Variants in GRM8 observed in about 807,000 individuals in gnomAD.
GRM8 encodes glutamate metabotropic receptor 8, also known as metabotropic glutamate receptor 8.
A neutral mutation model predicts 87.2 loss-of-function variants in GRM8; 47 were observed. That is an observed-to-expected ratio of 0.54 (90% confidence interval 0.43 to 0.69). The LOEUF is 0.69. GRM8 is among the 30% of genes least tolerant of loss of function. GRM8 has a pLI of 0.00. For missense variants in GRM8, 1,019 were observed against 1,139.2 expected, an observed-to-expected ratio of 0.89 and a Z score of 1.52; for synonymous variants, 396 against 404.5, an observed-to-expected ratio of 0.98 and a Z score of 0.25.
At chr7:126,823,216 T>A (rs1794463394) in intron 6 of GRM8, among the ~76,000 whole-genome samples, 2 of 152,240 alleles carry the variant, frequency 1.3e-5, no homozygotes, top group Admixed American at 1.3e-4. Flanking sequence ...AAAGAAAAGC[T>A]TCTATTTTAA....
At chr7:126,680,875 C>T (rs1038008783) in intron 7 of GRM8, among the ~76,000 whole-genome samples, 5 of 152,182 alleles carry the variant, frequency 3.3e-5, no homozygotes, top group Non-Finnish European at 7.3e-5. Context: ...TGTTTGGTTA[C>T]TCTTTACGTG....
intron 9 of GRM8, among the ~76,000 whole-genome samples, chr7:126,518,115 T>C (rs891625157): frequency 6.6e-6 from 1 of 152,034 alleles, no homozygotes; most frequent in Non-Finnish European, 1.5e-5. Flanking sequence ...TTTTTAGCCA[T>C]TGAGGCAGAG....
chr7:127,237,573 C>T (rs1330639327), intron 2 of GRM8, among the ~76,000 whole-genome samples: 1 of 152,190 alleles, frequency 6.6e-6, no homozygotes, highest in South Asian at 2.1e-4. Context: ...TCATTGACTT[C>T]ACATGAAGAT....
At chr7:127,122,680 G>A (rs888502011) in intron 2 of GRM8, among the ~76,000 whole-genome samples, 2 of 151,944 alleles carry the variant, frequency 1.3e-5, no homozygotes. Flanking sequence ...TAGGATTGAG[G>A]TACTGCAAAT....
At chr7:126,613,010 C>T (rs1427182564) in intron 7 of GRM8, among the ~76,000 whole-genome samples, 1 of 152,166 alleles carries the variant, frequency 6.6e-6, no homozygotes, top group Non-Finnish European at 1.5e-5. Flanking sequence ...ACTGATGACC[C>T]TTGCATCTTG....
chr7:126,903,881 G>A, intron 5 of GRM8, 91 bp downstream of exon 5: 1 of 700,382 alleles, frequency 1.4e-6, no homozygotes. Context: ...CATCAGTAAT[G>A]AGTGCATTTC....
intron 3 of GRM8, among the ~76,000 whole-genome samples, chr7:127,101,668 C>T (rs1210347190): frequency 2.0e-5 from 3 of 152,210 alleles, no homozygotes; most frequent in Non-Finnish European, 2.9e-5. Context: ...GCCTGCAGAA[C>T]CATAAGCCAA....
intron 6 of GRM8, among the ~76,000 whole-genome samples, chr7:126,773,249 A>G (rs933290701): frequency 5.3e-5 from 8 of 152,064 alleles, no homozygotes; most frequent in Admixed American, 3.9e-4. Flanking sequence ...TTTTAATCTA[A>G]TTATTTTTTA....
At position 126,976,287 on chromosome 7, in the gene GRM8, A is replaced by G. The variant is rs114163872; in HGVS notation, c.728-71604T>C. 8.0e-3 allele frequency among the ~76,000 whole-genome samples: 1,221 copies of G among 152,272 alleles called. 15 individuals are homozygous for G. Among genetic ancestry groups the G allele is most frequent in the African/African-American group, 0.028 (1,145 of 41,564 alleles). ...ATGTTCTTAAATTTTTATGCTTCCA[A>G]TTGGAGAATGGAACATACAAAGTAT... is the stretch of plus-strand genomic sequence containing the variant. On this transcript the variant is annotated intron_variant, in intron 3 of 10. Coordinates refer to ENST00000339582, the MANE Select transcript of GRM8 (RefSeq NM_000845.3).
chr7:127,235,309 T>C (rs924366043), intron 2 of GRM8, among the ~76,000 whole-genome samples: 2 of 152,238 alleles, frequency 1.3e-5, no homozygotes, highest in Admixed American at 1.3e-4. Flanking sequence ...TGGTGCTCCC[T>C]GAACTGTCTG....
chr7:127,029,472 C>T (rs1022477755), intron 3 of GRM8, among the ~76,000 whole-genome samples: 6 of 152,112 alleles, frequency 3.9e-5, no homozygotes, highest in African/African-American at 1.4e-4. Flanking sequence ...GAGTCTAAGT[C>T]TCTTTGTAGG....
chr7:127,094,921 T>C (rs1824493198), intron 3 of GRM8, among the ~76,000 whole-genome samples: 1 of 152,214 alleles, frequency 6.6e-6, no homozygotes, highest in Non-Finnish European at 1.5e-5. Flanking sequence ...TATTCATTTG[T>C]ATGACACTAA....
At chr7:126,577,811 AT>A (rs796389907) in intron 8 of GRM8, among the ~76,000 whole-genome samples, 1 of 151,716 alleles carries the variant, frequency 6.6e-6, no homozygotes, top group South Asian at 2.1e-4. Context: ...AATTCAAAGC[AT>A]TTTTTTTCTC....
intron 7 of GRM8, among the ~76,000 whole-genome samples, chr7:126,767,624 C>T (rs946857618): frequency 6.6e-6 from 1 of 151,988 alleles, no homozygotes; most frequent in African/African-American, 2.4e-5. Context: ...TTTCTTCCTC[C>T]TTTAGTAGTT....
chr7:126,931,524 A>T (rs1020140055), intron 3 of GRM8, among the ~76,000 whole-genome samples: 8 of 152,226 alleles, frequency 5.3e-5, no homozygotes, highest in African/African-American at 1.4e-4. Context: ...AAAACCCAAA[A>T]TATTAATAAA....
chr7:126,471,372 G>A (rs753138273), intron 9 of GRM8, among the ~76,000 whole-genome samples: 4,320 of 152,232 alleles, frequency 0.028, 91 homozygotes, highest in Middle Eastern at 0.044. Flanking sequence ...TGTGTATAAG[G>A]TGTAAGGAAG....
chr7:126,890,491 T>G (rs3993593), intron 6 of GRM8, among the ~76,000 whole-genome samples: 2 of 152,070 alleles, frequency 1.3e-5, no homozygotes, highest in Non-Finnish European at 2.9e-5. Flanking sequence ...TTTCCATCTG[T>G]CACCTTTATT....
At chr7:127,076,972 C>G (rs146530728) in intron 3 of GRM8, among the ~76,000 whole-genome samples, 4 of 152,288 alleles carry the variant, frequency 2.6e-5, no homozygotes, top group African/African-American at 7.2e-5. Context: ...CTTCCAGGGT[C>G]ACACAGAGCC....
chr7:126,532,910 A>T, intron 9 of GRM8, 42 bp downstream of exon 9: 1 of 1,182,408 alleles, frequency 8.5e-7, no homozygotes. Context: ...AGAAGATGTT[A>T]AATCCAGGAA....
Sources: allele counts gnomAD v4.1 joint callset (sites outside exome capture counted in the v4.1 genomes callset), GRCh38; gene constraint gnomAD v4.1.1; transcripts MANE v1.5; gene names NCBI Gene and HGNC (gene_info 2026-07-23, HGNC 2026-07-21).